Variants in DPP6 observed in about 807,000 individuals in gnomAD.
DPP6 encodes dipeptidyl peptidase like 6.
Under a neutral mutation model 122.6 loss-of-function variants are expected in DPP6, and 69 were observed. That is an observed-to-expected ratio of 0.56 (90% CI 0.46 to 0.69). The LOEUF (loss-of-function observed/expected upper bound fraction) is 0.69, where lower values mean the gene tolerates loss of function less well. Among genes scored for constraint, DPP6 ranks in the 30% least tolerant of loss-of-function variants. The pLI is 0.00. For missense variants in DPP6, 928 were observed against 1,116.9 expected, an observed-to-expected ratio of 0.83 and a Z score of 2.41; for synonymous variants, 418 against 433.1, an observed-to-expected ratio of 0.97 and a Z score of 0.43.
At chr7:154,601,403 C>T (rs1464068090) in intron 5 of DPP6, among the ~76,000 whole-genome samples, 1 of 121,228 alleles carries the variant, frequency 8.2e-6, no homozygotes, top group Admixed American at 9.3e-5. Context: ...AGCACATATA[C>T]ATTTAGGATT....
Position 154,863,079 on chromosome 7 carries a change from C to A in DPP6, c.1715-4916C>A, listed in dbSNP as rs1803553265. Among the ~76,000 whole-genome samples, 2 of 151,792 alleles carry A rather than the reference C, an allele frequency of 1.3e-5. No homozygotes were observed. Among genetic ancestry groups the A allele is most frequent in the Admixed American group, 6.6e-5 (1 of 15,252 alleles). On this transcript the variant is annotated intron_variant, in intron 17 of 25. Transcript: ENST00000377770. The surrounding 1 kb of genome is among the most constrained non-coding windows in gnomAD (Gnocchi z 4.1). ...ATGACTGGCTAATTTTTACATTTTT[C>A]TTTGGAGAGATCAGGTCTCCCTATG... is the stretch of plus-strand genomic sequence containing the variant.
chr7:154,655,329 C>T (rs1837167332), intron 6 of DPP6, among the ~76,000 whole-genome samples: 1 of 152,142 alleles, frequency 6.6e-6, no homozygotes, highest in Non-Finnish European at 1.5e-5. Context: ...ATGATTTATG[C>T]CCTGTTTTGT....
At chr7:154,573,102 T>C (rs1338831921) in intron 5 of DPP6, among the ~76,000 whole-genome samples, 2 of 152,182 alleles carry the variant, frequency 1.3e-5, no homozygotes, top group Non-Finnish European at 2.9e-5. Flanking sequence ...CAGGAGTGGC[T>C]AAGGGAATTG....
intron 21 of DPP6, among the ~76,000 whole-genome samples, chr7:154,883,194 C>T (rs1034232047): frequency 3.3e-5 from 5 of 150,004 alleles, no homozygotes; most frequent in Non-Finnish European, 7.4e-5. Flanking sequence ...CTCACATACA[C>T]GCTCACACAT....
intron 16 of DPP6, among the ~76,000 whole-genome samples, chr7:154,847,252 AT>A (rs1563277862): frequency 6.6e-6 from 1 of 152,214 alleles, no homozygotes; most frequent in African/African-American, 2.4e-5. Flanking sequence ...CGTACCAAAT[AT>A]GTTACATTGA....
intron 5 of DPP6, among the ~76,000 whole-genome samples, chr7:154,575,307 A>ATGTGTGTGGTGTGTGTATG (rs1280122587): frequency 2.0e-5 from 1 of 49,220 alleles, no homozygotes; most frequent in African/African-American, 7.9e-5. Context: ...TGGGGGGTGT[A>ATGTGTGTGGTGTGTGTATG]TGTGTGTGGT....
intron 1 of DPP6, among the ~76,000 whole-genome samples, chr7:154,057,077 G>GC (rs1439333928): frequency 6.6e-6 from 1 of 152,192 alleles, no homozygotes. Flanking sequence ...GATCCCAGTG[G>GC]CCCCTACAAA....
At chr7:153,863,638 A>T in the DPP6 span, among the ~76,000 whole-genome samples, 8 of 152,288 alleles carry the variant, frequency 5.3e-5, no homozygotes, top group African/African-American at 1.9e-4. Context: ...ATGCTTACAG[A>T]ATTGTACACC....
intron 1 of DPP6, among the ~76,000 whole-genome samples, chr7:154,005,404 G>A (rs556037695): frequency 1.2e-3 from 180 of 152,048 alleles, no homozygotes; most frequent in African/African-American, 3.9e-3. Context: ...AAGGTCGAAC[G>A]CTTGGTGGTT....
At position 154,684,458 on chromosome 7, in the gene DPP6, G is replaced by A. The variant is rs567904378; in HGVS notation, c.762+15017G>A. Among the ~76,000 whole-genome samples the A allele has an allele frequency of 2.0e-5, 3 of 152,172 alleles. No homozygotes were observed. The East Asian group carries it at 5.8e-4, about 29-fold the overall frequency. ...TGAATGGGTGACTCAGTCAATTAAG[G>A]CATATTATTTACCCAAGATGAAAAT... On this transcript the variant is annotated intron_variant, in intron 7 of 25. Coordinates refer to ENST00000377770, the MANE Select transcript of DPP6 (RefSeq NM_130797.4).
At position 154,523,419 on chromosome 7, in the gene DPP6, A is replaced by T. The variant is rs1827157497; in HGVS notation, c.458-17113A>T. Among the ~76,000 whole-genome samples the T allele has an allele frequency of 2.0e-5, 3 of 152,260 alleles. No individual in the cohort carries two copies. In the South Asian group the frequency reaches 6.2e-4, roughly 32 times the overall value. ...ATACTCTCATTTTCTTTCATCCCTG[A>T]ATACTAAAACATGCATCTCCAAAGT... On this transcript the variant is annotated intron_variant, in intron 3 of 25. Coordinates refer to ENST00000377770, the MANE Select transcript of DPP6 (RefSeq NM_130797.4).
chr7:154,511,627 GT>G (rs1563784278), intron 3 of DPP6, among the ~76,000 whole-genome samples: 1 of 152,158 alleles, frequency 6.6e-6, no homozygotes, highest in East Asian at 1.9e-4. Flanking sequence ...GTCAAAAAAG[GT>G]AAATCTATAG....
intron 5 of DPP6, among the ~76,000 whole-genome samples, chr7:154,599,211 C>T (rs1833275646): frequency 6.6e-6 from 1 of 152,190 alleles, no homozygotes; most frequent in African/African-American, 2.4e-5. Context: ...AGTCTCCCCT[C>T]TCTGTAGCGT....
At chr7:153,949,878 C>T (rs1194868909) in intron 1 of DPP6, among the ~76,000 whole-genome samples, 1 of 152,156 alleles carries the variant, frequency 6.6e-6, no homozygotes, top group African/African-American at 2.4e-5. Context: ...ACTAAGCGCC[C>T]CTTGAAAGGC....
chr7:153,850,644 G>C, the DPP6 span, among the ~76,000 whole-genome samples: 3 of 152,244 alleles, frequency 2.0e-5, no homozygotes, highest in African/African-American at 7.2e-5. Context: ...ACATGGCTGG[G>C]GAGTCCTCAC....
chr7:153,920,600 T>TC (rs990276430), intron 1 of DPP6, among the ~76,000 whole-genome samples: 8 of 121,962 alleles, frequency 6.6e-5, no homozygotes, highest in Admixed American at 3.1e-4. Flanking sequence ...TCTCACTCTG[T>TC]CCCAGGCTGG....
At chr7:154,651,081 A>T (rs1836846672) in intron 6 of DPP6, among the ~76,000 whole-genome samples, 1 of 152,232 alleles carries the variant, frequency 6.6e-6, no homozygotes, top group East Asian at 1.9e-4. Flanking sequence ...TGCACTCACG[A>T]CTTCATAGGT....
chr7:154,536,252 A>G (rs1828245442), intron 3 of DPP6, among the ~76,000 whole-genome samples: 1 of 152,174 alleles, frequency 6.6e-6, no homozygotes, highest in African/African-American at 2.4e-5. Context: ...AAAACTACAT[A>G]ATGACAAAAC....
chr7:154,164,246 G>A (rs140784414), intron 1 of DPP6, among the ~76,000 whole-genome samples: 2,727 of 46,666 alleles, frequency 0.058, 28 homozygotes, highest in Non-Finnish European at 0.081. Flanking sequence ...CCCTCCCCTC[G>A]CCTCCTTCTC....
Sources: allele counts gnomAD v4.1 joint callset (sites outside exome capture counted in the v4.1 genomes callset), GRCh38; gene constraint gnomAD v4.1.1; non-coding constraint Gnocchi (gnomAD v3.1); transcripts MANE v1.5; gene names NCBI Gene and HGNC (gene_info 2026-07-23, HGNC 2026-07-21).